The following LDLRAD4 variants were observed in gnomAD, a reference collection of about 807,000 sequenced individuals.
The protein encoded by LDLRAD4 is low density lipoprotein receptor class A domain containing 4.
In LDLRAD4, 5 loss-of-function variants were observed where a neutral mutation model predicts 17.0. The ratio of observed to expected loss-of-function variants is 0.29; its 90% CI spans 0.15 to 0.62. The LOEUF (loss-of-function observed/expected upper bound fraction) is 0.62. Ranked by LOEUF, LDLRAD4 falls within the 20% of genes least tolerant of loss-of-function variation. LDLRAD4 has a pLI of 0.84. For synonymous variants in LDLRAD4, 168 were observed against 171.8 expected, an observed-to-expected ratio of 0.98 and a Z score of 0.17; for missense variants, 340 against 424.7, an observed-to-expected ratio of 0.80 and a Z score of 1.75.
At chr18:13,294,380 C>G (rs1369194738) in intron 1 of LDLRAD4, among the ~76,000 whole-genome samples, 1 of 152,246 alleles carries the variant, frequency 6.6e-6, no homozygotes, top group Non-Finnish European at 1.5e-5. Context: ...CTCCACAAGG[C>G]TTAATCACTC....
intron 2 of LDLRAD4, among the ~76,000 whole-genome samples, chr18:13,395,167 G>C (rs1344983270): frequency 6.6e-6 from 1 of 152,030 alleles, no homozygotes; most frequent in African/African-American, 2.4e-5. Context: ...ATAATGGCCA[G>C]TGAGTAGGTT....
intron 1 of LDLRAD4, among the ~76,000 whole-genome samples, chr18:13,260,475 T>C (rs1312461905): frequency 2.0e-5 from 3 of 152,204 alleles, no homozygotes; most frequent in African/African-American, 7.2e-5. Flanking sequence ...CTCTAATCCG[T>C]TTTGACAAAT....
chr18:13,257,587 G>A (rs558804968), intron 1 of LDLRAD4, among the ~76,000 whole-genome samples: 1 of 152,346 alleles, frequency 6.6e-6, no homozygotes, highest in Admixed American at 6.5e-5. Flanking sequence ...CAGCCTGGAT[G>A]TGAGACACTG....
chr18:13,345,893 T>C (rs1214408300), intron 1 of LDLRAD4, among the ~76,000 whole-genome samples: 1 of 152,190 alleles, frequency 6.6e-6, no homozygotes, highest in Non-Finnish European at 1.5e-5. Context: ...TCTCTGATGG[T>C]AGTTTGTATT....
intron 3 of LDLRAD4, among the ~76,000 whole-genome samples, chr18:13,443,709 T>TCGTCGTCTCCTC (rs1555688240): frequency 6.6e-6 from 1 of 151,298 alleles, no homozygotes; most frequent in African/African-American, 2.4e-5. Flanking sequence ...GTCGTCGTCG[T>TCGTCGTCTCCTC]CTCCTCCTCC....
Position 13,283,252 on chromosome 18 carries a change from C to G in LDLRAD4, c.-383+5064C>G, listed in dbSNP as rs142082082. 7.1e-3 allele frequency among the ~76,000 whole-genome samples: 1,087 copies of G among 152,318 alleles called. 7 individuals carry two copies. Among genetic ancestry groups the G allele is most frequent in the Non-Finnish European group, 0.012 (803 of 68,036 alleles). Reference sequence around the variant, plus strand: ...TTGCTATTTATGCACATTTCTGCAGCCAGCTTGAATTTCTCCTCAGAAAAT... The same window carrying G: ...TTGCTATTTATGCACATTTCTGCAGGCAGCTTGAATTTCTCCTCAGAAAAT... On this transcript the variant is annotated intron_variant, in intron 1 of 5. Coordinates refer to ENST00000359446, the Ensembl canonical transcript of LDLRAD4.
chr18:13,612,371 T>C, intron 3 of LDLRAD4: 5 of 1,166,960 alleles, frequency 4.3e-6, no homozygotes, highest in Non-Finnish European at 4.3e-6. Flanking sequence ...CCCGGACTTA[T>C]TCTCTGCTCG....
intron 1 of LDLRAD4, among the ~76,000 whole-genome samples, chr18:13,371,177 GTGGC>G (rs1365914460): frequency 6.6e-6 from 1 of 152,190 alleles, no homozygotes; most frequent in Non-Finnish European, 1.5e-5. Flanking sequence ...TCTGGCACAG[GTGGC>G]TGTGGGACTG....
At chr18:13,555,684 A>T (rs2094476331) in intron 3 of LDLRAD4, among the ~76,000 whole-genome samples, 1 of 152,226 alleles carries the variant, frequency 6.6e-6, no homozygotes, top group South Asian at 2.1e-4. Flanking sequence ...GAAAAATTAC[A>T]TGGTCTATCT....
rs1391041939 is a variant in LDLRAD4 at position 13,414,120 on chromosome 18, C to T, written c.41-24124C>T. The stretch of plus-strand genomic sequence containing the variant: ...TGTAGTGGAGGTCTACCTCATGCCT[C>T]GTTTTGTGCCAGGCACAAATGAAAT... On this transcript the variant is annotated intron_variant, in intron 2 of 5. Coordinates refer to ENST00000359446, the Ensembl canonical transcript of LDLRAD4. Among the ~76,000 whole-genome samples, 7 of 152,212 alleles carry T rather than the reference C, an allele frequency of 4.6e-5. No homozygotes were observed. In the East Asian group the frequency reaches 1.2e-3, roughly 25 times the overall value.
At chr18:13,274,754 G>C (rs148715648), upstream of LDLRAD4, among the ~76,000 whole-genome samples, 180 of 152,256 alleles carry the variant, frequency 1.2e-3, 2 homozygotes, top group East Asian at 0.027. Flanking sequence ...AGTCCCTTTG[G>C]AATGTAAAAT....
chr18:13,540,164 A>G (rs557640378), intron 3 of LDLRAD4, among the ~76,000 whole-genome samples: 1 of 152,350 alleles, frequency 6.6e-6, no homozygotes, highest in East Asian at 1.9e-4. Flanking sequence ...TTCATGCCAA[A>G]TCTTCCCAAT....
chr18:13,465,387 T>G (rs1055681254), intron 3 of LDLRAD4, among the ~76,000 whole-genome samples: 8 of 152,174 alleles, frequency 5.3e-5, no homozygotes, highest in African/African-American at 1.9e-4. Flanking sequence ...CCTTTATAAC[T>G]TCTTAAAGGC....
intron 3 of LDLRAD4, among the ~76,000 whole-genome samples, chr18:13,591,876 G>A (rs1355720746): frequency 2.6e-5 from 4 of 152,284 alleles, no homozygotes; most frequent in East Asian, 1.9e-4. Context: ...TTATAACATC[G>A]TTAGGGCATT....
At chr18:13,254,805 GC>G (rs1407152590) in intron 1 of LDLRAD4, among the ~76,000 whole-genome samples, 1 of 152,036 alleles carries the variant, frequency 6.6e-6, no homozygotes, top group African/African-American at 2.4e-5. Flanking sequence ...CTTTACAAAA[GC>G]CCCCAAAATT....
chr18:13,377,495 C>T (rs551603613), intron 1 of LDLRAD4, among the ~76,000 whole-genome samples: 87 of 152,168 alleles, frequency 5.7e-4, no homozygotes, highest in Non-Finnish European at 9.3e-4. Context: ...GGGTGGCACG[C>T]GATTAACTGC....
At chr18:13,328,094 G>T (rs2081632878) in intron 1 of LDLRAD4, among the ~76,000 whole-genome samples, 1 of 152,106 alleles carries the variant, frequency 6.6e-6, no homozygotes, top group Non-Finnish European at 1.5e-5. Context: ...GCCTGATGCT[G>T]TCCCTCCCTT....
intron 1 of LDLRAD4, among the ~76,000 whole-genome samples, chr18:13,343,160 G>A (rs1176514603): frequency 6.6e-6 from 1 of 151,864 alleles, no homozygotes; most frequent in Admixed American, 6.6e-5. Flanking sequence ...GTATACATGT[G>A]CCATGTTGGT....
At chr18:13,222,170 G>A (rs2041491450) in intron 1 of LDLRAD4, among the ~76,000 whole-genome samples, 1 of 151,878 alleles carries the variant, frequency 6.6e-6, no homozygotes, top group Non-Finnish European at 1.5e-5. Context: ...CTTCTCAACC[G>A]TCTCCTACAA....
Sources: gnomAD v4.1 joint callset for allele counts (sites outside exome capture counted in the v4.1 genomes callset) on GRCh38, gnomAD v4.1.1 for gene constraint, MANE v1.5 for transcripts, NCBI Gene and HGNC (gene_info 2026-07-23, HGNC 2026-07-21) for gene names.